The following MEIKIN variants were observed in gnomAD, a reference collection of about 807,000 sequenced individuals.
MEIKIN encodes the protein meiosis-specific kinetochore protein.
At chr5:131,920,239 G>A (rs189915403) in intron 6 of MEIKIN, among the ~76,000 whole-genome samples, 1 of 152,002 alleles carries the variant, frequency 6.6e-6, no homozygotes, top group Admixed American at 6.6e-5. Context: ...AAATATCCAT[G>A]AGTCTACACT....
chr5:131,887,776 T>C (rs1489685087), intron 8 of MEIKIN, among the ~76,000 whole-genome samples: 3 of 151,942 alleles, frequency 2.0e-5, no homozygotes, highest in Non-Finnish European at 4.4e-5. Context: ...GTTACATATG[T>C]ATACATGTGC....
At chr5:131,849,332 C>T (rs897063079) in intron 11 of MEIKIN, among the ~76,000 whole-genome samples, 4 of 151,256 alleles carry the variant, frequency 2.6e-5, no homozygotes, top group Non-Finnish European at 4.4e-5. Context: ...TGCCTTGCTC[C>T]CCTTTTGCCT....
intron 5 of MEIKIN, among the ~76,000 whole-genome samples, chr5:131,930,385 T>C (rs186983391): frequency 6.6e-6 from 1 of 152,246 alleles, no homozygotes; most frequent in Non-Finnish European, 1.5e-5. Context: ...TTCTGGATAT[T>C]AGATCTTTGT....
intron 8 of MEIKIN, among the ~76,000 whole-genome samples, chr5:131,883,635 T>C (rs924646489): frequency 1.3e-5 from 2 of 152,298 alleles, no homozygotes; most frequent in Admixed American, 6.5e-5. Context: ...CCACTGATCA[T>C]TGCCCCTGCA....
intron 8 of MEIKIN, among the ~76,000 whole-genome samples, chr5:131,901,104 C>T (rs1004131729): frequency 1.2e-4 from 19 of 152,104 alleles, no homozygotes; most frequent in Admixed American, 8.5e-4. Flanking sequence ...CTGCCACTGG[C>T]GTGAAACTGC....
chr5:131,879,220 A>G (rs1331217426), intron 8 of MEIKIN, among the ~76,000 whole-genome samples, 172 bp from the exon 9 acceptor site: 1 of 152,232 alleles, frequency 6.6e-6, no homozygotes, highest in Non-Finnish European at 1.5e-5. Flanking sequence ...TGTATGTTGA[A>G]TAATAAAAAC....
rs750547753 is a variant in MEIKIN, at chr5:131,944,724, T to G, written c.229A>C (p.Ser77Arg). 7.5e-6 allele frequency: 3 copies of G among 398,966 alleles called. No homozygotes were observed. Among genetic ancestry groups the G allele is most frequent in the Non-Finnish European group, 4.4e-6 (1 of 226,082 alleles). 24.7% of individuals were successfully genotyped at this position (398,966 alleles called of 1,614,324 possible). A position where few individuals can be genotyped will look rare whatever the true frequency, so the allele number is the denominator to read the frequency against. The change falls in exon 3 of 13, where the codon AGC (serine) becomes CGC (arginine). Residue 77 changes from serine (S) to arginine (R), a missense_variant. Transcript: ENST00000442687. ...SPRLGVTGEKSLQENRSSEDT... is the reference protein window; with the variant it reads ...SPRLGVTGEKRLQENRSSEDT... ...TCACTAGACCTATTTTCTTGCAGGCTTTTCTCTCCTGTAACTCCTAAGCGA... is the reference window on the plus strand; with the variant it reads ...TCACTAGACCTATTTTCTTGCAGGCGTTTCTCTCCTGTAACTCCTAAGCGA...
rs182764158 is a variant in MEIKIN, at chr5:131,825,239, A to T, written c.976-6376T>A. On this transcript the variant is annotated intron_variant, in intron 11 of 12. Coordinates refer to ENST00000442687, the MANE Select transcript of MEIKIN (RefSeq NM_001303622.2). ...CATCATCCACTTATGTACACATTCC[A>T]GTAAAATTATAGCACACCCCAAACA... Among the ~76,000 whole-genome samples the T allele has an allele frequency of 9.2e-5, 14 of 152,252 alleles. No homozygotes were observed. In the East Asian group the frequency reaches 2.5e-3, roughly 27 times the overall value.
intron 9 of MEIKIN, among the ~76,000 whole-genome samples, chr5:131,871,377 T>C (rs1201884393): frequency 6.6e-6 from 1 of 152,230 alleles, no homozygotes; most frequent in Non-Finnish European, 1.5e-5. Flanking sequence ...CAGAGGGTCC[T>C]ACGCCCAGAG....
At chr5:131,876,136 T>C (rs1341487321) in intron 9 of MEIKIN, among the ~76,000 whole-genome samples, 1 of 152,078 alleles carries the variant, frequency 6.6e-6, no homozygotes, top group East Asian at 1.9e-4. Flanking sequence ...AACGCCAAAA[T>C]TGAGAAATGG....
chr5:131,901,576 G>T (rs1751157687), intron 8 of MEIKIN, among the ~76,000 whole-genome samples: 1 of 152,172 alleles, frequency 6.6e-6, no homozygotes, highest in African/African-American at 2.4e-5. Flanking sequence ...AAGAGCTTTG[G>T]CTGGCACCAC....
intron 9 of MEIKIN, among the ~76,000 whole-genome samples, chr5:131,856,483 G>A (rs1750194563): frequency 6.6e-6 from 1 of 152,106 alleles, no homozygotes; most frequent in Non-Finnish European, 1.5e-5. Flanking sequence ...CCAATGTCTG[G>A]GCATAACAGT....
intron 8 of MEIKIN, among the ~76,000 whole-genome samples, chr5:131,883,338 A>G (rs1040551990): frequency 5.9e-5 from 9 of 152,234 alleles, no homozygotes; most frequent in Non-Finnish European, 1.3e-4. Context: ...CAGAAGATAA[A>G]AAGAGATTAG....
chr5:131,904,059 A>G (rs1324888516), intron 8 of MEIKIN, among the ~76,000 whole-genome samples: 2 of 152,216 alleles, frequency 1.3e-5, no homozygotes, highest in African/African-American at 4.8e-5. Context: ...AAAAAAGACA[A>G]AGAAGGGCAT....
At chr5:131,917,889 C>A (rs954869753) in intron 6 of MEIKIN, among the ~76,000 whole-genome samples, 2 of 152,098 alleles carry the variant, frequency 1.3e-5, no homozygotes, top group African/African-American at 2.4e-5. Context: ...TACAGTGGAC[C>A]CTCATCATCT....
At chr5:131,889,896 A>C (rs1416792764) in intron 8 of MEIKIN, among the ~76,000 whole-genome samples, 1 of 152,134 alleles carries the variant, frequency 6.6e-6, no homozygotes, top group Non-Finnish European at 1.5e-5. Flanking sequence ...ATCAATACCT[A>C]ATTTATTGAG....
At chr5:131,835,774 T>C (rs1284802795) in intron 11 of MEIKIN, among the ~76,000 whole-genome samples, 5 of 152,184 alleles carry the variant, frequency 3.3e-5, no homozygotes, top group Non-Finnish European at 7.3e-5. Context: ...TTTGTATTTT[T>C]AGTAGAGACG....
At chr5:131,940,137 A>G (rs912811860) in intron 4 of MEIKIN, among the ~76,000 whole-genome samples, 40 of 152,244 alleles carry the variant, frequency 2.6e-4, no homozygotes, top group Non-Finnish European at 8.8e-5. Flanking sequence ...AGTGCCACAG[A>G]ACTACCAGGG....
At chr5:131,873,571 T>C (rs945607433) in intron 9 of MEIKIN, among the ~76,000 whole-genome samples, 1 of 152,146 alleles carries the variant, frequency 6.6e-6, no homozygotes, top group Non-Finnish European at 1.5e-5. Flanking sequence ...CACCCCACTG[T>C]CAACATTAGA....
Sources: allele counts gnomAD v4.1 joint callset (sites outside exome capture counted in the v4.1 genomes callset), GRCh38; gene constraint gnomAD v4.1.1; transcripts MANE v1.5; gene names NCBI Gene and HGNC (gene_info 2026-07-23, HGNC 2026-07-21).